The following NAALADL2 variants were observed in gnomAD, a reference collection of about 807,000 sequenced individuals.
NAALADL2 encodes N-acetylated alpha-linked acidic dipeptidase like 2.
A neutral mutation model predicts 87.2 loss-of-function variants in NAALADL2; 76 were observed. The ratio of observed to expected loss-of-function variants is 0.87; its 90% CI spans 0.72 to 1.05. The LOEUF is 1.05. Among genes scored for constraint, NAALADL2 ranks in the 50% least tolerant of loss-of-function variants. NAALADL2 has a pLI of 0.00. For synonymous variants in NAALADL2, 354 were observed against 331.0 expected (o/e 1.07, Z -0.75); for missense variants, 1,089 against 945.8 (o/e 1.15, Z -1.99).
intron 2 of NAALADL2, among the ~76,000 whole-genome samples, chr3:174,561,791 A>G (rs1713650130): frequency 6.6e-6 from 1 of 152,182 alleles, no homozygotes; most frequent in African/African-American, 2.4e-5. Context: ...TTACTTTTAC[A>G]AATCAAAGAG....
At chr3:175,528,065 G>T (rs1488496412) in intron 9 of NAALADL2, among the ~76,000 whole-genome samples, 2 of 151,920 alleles carry the variant, frequency 1.3e-5, no homozygotes, top group Non-Finnish European at 2.9e-5. Flanking sequence ...AAGCACTTTT[G>T]GTTGGTGAAG....
intron 2 of NAALADL2, among the ~76,000 whole-genome samples, chr3:174,612,125 TG>T (rs1719970280): frequency 6.6e-6 from 1 of 152,176 alleles, no homozygotes. Flanking sequence ...TGCTCTCTCC[TG>T]GCCTGTAAAG....
At chr3:174,897,370 TA>T (rs1299578842) in intron 1 of NAALADL2, among the ~76,000 whole-genome samples, 1 of 151,166 alleles carries the variant, frequency 6.6e-6, no homozygotes, top group Non-Finnish European at 1.5e-5. Flanking sequence ...TTTGAAAAGA[TA>T]TTTTTCAAAA....
At chr3:175,177,905 A>AT (rs1220172575) in intron 2 of NAALADL2, among the ~76,000 whole-genome samples, 1 of 151,894 alleles carries the variant, frequency 6.6e-6, no homozygotes, top group Non-Finnish European at 1.5e-5. Flanking sequence ...CAGCAGAATT[A>AT]TTTTCTAGTG....
At chr3:174,692,245 C>T (rs572509085) in intron 2 of NAALADL2, among the ~76,000 whole-genome samples, 77 of 152,240 alleles carry the variant, frequency 5.1e-4, no homozygotes, top group African/African-American at 1.6e-3. Flanking sequence ...GTTGCAGAAT[C>T]GATTTTGAAA....
At chr3:174,794,023 T>G (rs1043000275) in intron 3 of NAALADL2, among the ~76,000 whole-genome samples, 1 of 152,090 alleles carries the variant, frequency 6.6e-6, no homozygotes, top group Non-Finnish European at 1.5e-5. Context: ...TAAAAATCCT[T>G]CCATTACAAG....
At chr3:175,430,877 C>G (rs771053220) in intron 5 of NAALADL2, among the ~76,000 whole-genome samples, 22 of 151,940 alleles carry the variant, frequency 1.4e-4, no homozygotes, top group Non-Finnish European at 2.9e-4. Context: ...TTATGGATAA[C>G]CACTTAATTT....
At position 175,096,818 on chromosome 3, in the gene NAALADL2, T is replaced by G; in HGVS notation, c.72T>G (p.His24Gln). 1 of 1,594,820 alleles carries G rather than the reference T, an allele frequency of 6.3e-7. No homozygotes were observed. Residue 24 changes from histidine (H) to glutamine (Q), a missense_variant, in exon 2 of 14, where the codon CAT becomes CAG. His to Gln is a conservative substitution (Grantham distance 24). Transcript: ENST00000454872. ...QGKKMAYQKV[H>Q]ADQRAPGHSQ... Reference sequence around the variant, plus strand: ...AAAAGATGGCCTATCAGAAGGTCCATGCAGATCAAAGAGCTCCAGGACACT... The same window carrying G: ...AAAAGATGGCCTATCAGAAGGTCCAGGCAGATCAAAGAGCTCCAGGACACT...
intron 11 of NAALADL2, among the ~76,000 whole-genome samples, chr3:175,629,223 T>C (rs537423969): frequency 1.3e-5 from 2 of 148,742 alleles, no homozygotes; most frequent in East Asian, 2.0e-4. Context: ...TTTAATGAAT[T>C]CATATATATT....
intron 1 of NAALADL2, among the ~76,000 whole-genome samples, chr3:174,466,287 T>C (rs1351985012): frequency 6.6e-6 from 1 of 151,596 alleles, no homozygotes; most frequent in Non-Finnish European, 1.5e-5. Context: ...TTTTTTTTTT[T>C]TTTTGCTCAT....
chr3:175,726,912 T>G (rs150969693), intron 11 of NAALADL2, among the ~76,000 whole-genome samples: 1 of 151,982 alleles, frequency 6.6e-6, no homozygotes, highest in Admixed American at 6.5e-5. Context: ...ATGAGTTGCC[T>G]TCTTCTTCAA....
intron 2 of NAALADL2, among the ~76,000 whole-genome samples, chr3:174,734,058 A>C (rs1319661171): frequency 1.3e-5 from 2 of 152,184 alleles, no homozygotes; most frequent in African/African-American, 4.8e-5. Context: ...CTATGGGACT[A>C]CTGGGTTGGT....
chr3:174,910,213 G>A (rs1431362410), intron 1 of NAALADL2, among the ~76,000 whole-genome samples: 1 of 151,868 alleles, frequency 6.6e-6, no homozygotes, highest in Non-Finnish European at 1.5e-5. Context: ...AAACAAAAAA[G>A]TGTGAAGAGT....
chr3:175,786,693 C>G (rs1752014889), intron 13 of NAALADL2, among the ~76,000 whole-genome samples: 1 of 152,190 alleles, frequency 6.6e-6, no homozygotes, highest in African/African-American at 2.4e-5. Flanking sequence ...GCCTTCTTCT[C>G]TCATCTCGTC....
intron 1 of NAALADL2, among the ~76,000 whole-genome samples, chr3:174,523,858 G>A (rs1027428649): frequency 6.6e-6 from 1 of 151,994 alleles, no homozygotes; most frequent in African/African-American, 2.4e-5. Flanking sequence ...ATAATCATAT[G>A]GTTGTATAAC....
chr3:174,751,367 T>C (rs1372073659), intron 3 of NAALADL2, among the ~76,000 whole-genome samples: 2 of 152,090 alleles, frequency 1.3e-5, no homozygotes, highest in Non-Finnish European at 2.9e-5. Context: ...TAAATTAATA[T>C]CATAAAAGTT....
At chr3:174,799,161 C>G (rs1718499904) in intron 3 of NAALADL2, among the ~76,000 whole-genome samples, 2 of 143,968 alleles carry the variant, frequency 1.4e-5, no homozygotes, top group Admixed American at 1.4e-4. Context: ...CAGAGCAAGA[C>G]TCTGTCTCAA....
At chr3:175,629,377 TA>T in intron 11 of NAALADL2, among the ~76,000 whole-genome samples, 1 of 80,860 alleles carries the variant, frequency 1.2e-5, no homozygotes, top group Non-Finnish European at 2.4e-5. Context: ...TATATATGAA[TA>T]TATATATATT....
intron 11 of NAALADL2, among the ~76,000 whole-genome samples, chr3:175,628,144 A>G (rs1162537708): frequency 6.6e-6 from 1 of 151,692 alleles, no homozygotes; most frequent in African/African-American, 2.4e-5. Flanking sequence ...TAGAAATCCT[A>G]CATCAAGTAC....
Sources: allele counts gnomAD v4.1 joint callset (sites outside exome capture counted in the v4.1 genomes callset), GRCh38; gene constraint gnomAD v4.1.1; transcripts MANE v1.5; gene names NCBI Gene and HGNC (gene_info 2026-07-23, HGNC 2026-07-21).